ACTR3C: variants seen among roughly 807,000 people sequenced by gnomAD.
ACTR3C encodes actin related protein 3C, also known as actin-related protein 3C.
In ACTR3C, 18 loss-of-function variants were observed where a neutral mutation model predicts 26.3. The ratio of observed to expected loss-of-function variants is 0.68; its 90% CI spans 0.47 to 1.01. The LOEUF (loss-of-function observed/expected upper bound fraction) is 1.01. ACTR3C is among the 50% of genes least tolerant of loss of function. ACTR3C has a pLI of 0.00. For missense variants in ACTR3C, 184 were observed against 250.7 expected (o/e 0.73, Z 1.80); for synonymous variants, 55 against 94.5 (o/e 0.58, Z 2.42).
rs187301582 is a variant in ACTR3C at position 150,307,751 on chromosome 7, G to A, written c.-51-12404C>T. ...GGGGACCTCCCTCCAGAGATCAATCGCCTGTCCTCCTGCTCTTTGCTCCAT... is the reference window on the plus strand; with the variant it reads ...GGGGACCTCCCTCCAGAGATCAATCACCTGTCCTCCTGCTCTTTGCTCCAT... On this transcript the variant is annotated intron_variant, in intron 1 of 7. Transcript: ENST00000683684. Among the ~76,000 whole-genome samples, 143 of 152,238 alleles carry A rather than the reference G, an allele frequency of 9.4e-4. 1 individual carries two copies. Among genetic ancestry groups the A allele is most frequent in the African/African-American group, 3.3e-3 (138 of 41,528 alleles).
the ACTR3C span, among the ~76,000 whole-genome samples, chr7:150,012,405 C>T: frequency 8.6e-5 from 13 of 151,324 alleles, no homozygotes; most frequent in African/African-American, 3.2e-4. Context: ...AGCTCTGCCT[C>T]CCGGGTTCAC....
At chr7:150,171,813 A>ATTCT in the ACTR3C span, among the ~76,000 whole-genome samples, 1 of 145,368 alleles carries the variant, frequency 6.9e-6, no homozygotes, top group African/African-American at 2.9e-5. Context: ...TATAGATTCT[A>ATTCT]TTCTTTCTTT....
chr7:150,028,615 G>A, the ACTR3C span, among the ~76,000 whole-genome samples: 1 of 152,282 alleles, frequency 6.6e-6, no homozygotes, highest in Non-Finnish European at 1.5e-5. Flanking sequence ...CTCTGCTTCT[G>A]GCCTTTATCC....
chr7:150,068,907 C>T, the ACTR3C span, among the ~76,000 whole-genome samples: 6 of 152,000 alleles, frequency 3.9e-5, no homozygotes, highest in Non-Finnish European at 8.8e-5. Flanking sequence ...AGCCTGGACT[C>T]CAGAAATGCT....
Position 150,320,200 on chromosome 7 carries a change from C to T in ACTR3C, c.-52+3269G>A, listed in dbSNP as rs145275257. Among the ~76,000 whole-genome samples, 186 of 152,300 alleles carry T rather than the reference C, an allele frequency of 1.2e-3. 1 individual carries two copies. The highest frequency in any genetic ancestry group is 4.0e-3 in the African/African-American group (167 of 41,568). ...GCACAGGAAAGAATTTAGGGTGAGT[C>T]GCAAAGTACAGTAAAGTTTAAATGG... On this transcript the variant is annotated intron_variant, in intron 1 of 7. Transcript: ENST00000683684.
At chr7:149,956,162 G>A in the ACTR3C span, among the ~76,000 whole-genome samples, 20 of 152,156 alleles carry the variant, frequency 1.3e-4, no homozygotes, top group African/African-American at 4.8e-4. Context: ...AAAAATTTTT[G>A]AGTGTTTCTA....
At chr7:150,229,300 T>C in the ACTR3C span, among the ~76,000 whole-genome samples, 2 of 152,134 alleles carry the variant, frequency 1.3e-5, no homozygotes, top group Non-Finnish European at 2.9e-5. Context: ...GGCCATTAGC[T>C]GTCATGTTAG....
chr7:150,178,542 C>T, the ACTR3C span, among the ~76,000 whole-genome samples: 1,060 of 150,450 alleles, frequency 7.0e-3, 98 homozygotes, highest in African/African-American at 0.025. Flanking sequence ...CCTTGGCCTC[C>T]CAAAATGATG....
At chr7:149,957,949 A>G in the ACTR3C span, among the ~76,000 whole-genome samples, 3 of 152,094 alleles carry the variant, frequency 2.0e-5, no homozygotes, top group East Asian at 3.9e-4. Context: ...GACAGGAGGT[A>G]TTTAGGGTTT....
chr7:149,900,133 T>C, the ACTR3C span, among the ~76,000 whole-genome samples: 1 of 149,996 alleles, frequency 6.7e-6, no homozygotes, highest in African/African-American at 2.5e-5. Context: ...GCTTGGGATG[T>C]TCAGGCAGTC....
chr7:150,181,338 TATTC>T, the ACTR3C span, among the ~76,000 whole-genome samples: 2 of 150,692 alleles, frequency 1.3e-5, no homozygotes, highest in East Asian at 3.9e-4. Context: ...CAGGTTCTAC[TATTC>T]GACTGAAGAT....
chr7:150,048,326 C>T, the ACTR3C span, among the ~76,000 whole-genome samples: 1 of 151,940 alleles, frequency 6.6e-6, no homozygotes, highest in Non-Finnish European at 1.5e-5. Flanking sequence ...CCACCCCGGC[C>T]CCTCCGCCCC....
intron 6 of ACTR3C, among the ~76,000 whole-genome samples, chr7:150,266,803 G>A (rs373621009): frequency 2.6e-5 from 4 of 152,142 alleles, no homozygotes; most frequent in African/African-American, 7.2e-5. Context: ...ACAAATGACC[G>A]CTAAGTACAG....
At chr7:150,104,798 A>G in the ACTR3C span, among the ~76,000 whole-genome samples, 1 of 152,060 alleles carries the variant, frequency 6.6e-6, no homozygotes, top group Admixed American at 6.6e-5. Context: ...AGCAGCAATG[A>G]TCACTGTGGC....
At chr7:150,035,138 G>A in the ACTR3C span, among the ~76,000 whole-genome samples, 1 of 134,834 alleles carries the variant, frequency 7.4e-6, no homozygotes, top group African/African-American at 2.8e-5. Context: ...AAGGATCTTA[G>A]GATCAACGAT....
At chr7:150,308,995 C>T (rs1385749982) in intron 1 of ACTR3C, among the ~76,000 whole-genome samples, 1 of 152,090 alleles carries the variant, frequency 6.6e-6, no homozygotes, top group Admixed American at 6.6e-5. Flanking sequence ...TCATCCTGAC[C>T]TCTCCCGTCT....
At chr7:150,116,674 T>C in the ACTR3C span, among the ~76,000 whole-genome samples, 2 of 152,344 alleles carry the variant, frequency 1.3e-5, no homozygotes, top group African/African-American at 4.8e-5. Flanking sequence ...GTGAGTGATA[T>C]TCAAAGACAT....
the ACTR3C span, among the ~76,000 whole-genome samples, chr7:149,983,449 G>GTGTGTATATATATA: frequency 0.041 from 951 of 23,340 alleles, 108 homozygotes; most frequent in Non-Finnish European, 0.061. Context: ...GTGTGTGTGT[G>GTGTGTATATATATA]TATATATATA....
chr7:150,256,408 C>G (rs1833225382), intron 6 of ACTR3C, among the ~76,000 whole-genome samples: 1 of 152,254 alleles, frequency 6.6e-6, no homozygotes, highest in Non-Finnish European at 1.5e-5. Flanking sequence ...TAAGCATTCC[C>G]TTTCTCTGCA....
Sources: allele counts gnomAD v4.1 joint callset (sites outside exome capture counted in the v4.1 genomes callset), GRCh38; gene constraint gnomAD v4.1.1; transcripts MANE v1.5; gene names NCBI Gene and HGNC (gene_info 2026-07-23, HGNC 2026-07-21).